Variants in STK3 observed in about 807,000 individuals in gnomAD.
STK3 encodes serine/threonine-protein kinase 3.
A neutral mutation model predicts 58.0 loss-of-function variants in STK3; 41 were observed. That is an observed-to-expected ratio of 0.71 (90% CI 0.55 to 0.92). STK3 has a LOEUF of 0.92. Ranked by LOEUF, STK3 falls within the 40% of genes least tolerant of loss-of-function variation. STK3 has a pLI of 0.00. For synonymous variants in STK3, 170 were observed against 191.0 expected, an observed-to-expected ratio of 0.89 and a Z score of 0.91; for missense variants, 479 against 602.7, an observed-to-expected ratio of 0.79 and a Z score of 2.15.
intron 10 of STK3, among the ~76,000 whole-genome samples, chr8:98,499,621 CAT>C (rs1227473759): frequency 2.0e-5 from 3 of 152,120 alleles, no homozygotes. Flanking sequence ...TTGGAGAACA[CAT>C]ATATCATCAT....
chr8:98,816,613 AACCTCC>A (rs1834564471), intron 1 of STK3, among the ~76,000 whole-genome samples: 1 of 151,992 alleles, frequency 6.6e-6, no homozygotes, highest in South Asian at 2.1e-4. Context: ...AGCTCACTGC[AACCTCC>A]ACCTCCTGGG....
At chr8:98,415,874 A>G (rs1818109101) in intron 3 of STK3, among the ~76,000 whole-genome samples, 1 of 152,210 alleles carries the variant, frequency 6.6e-6, no homozygotes, top group Admixed American at 6.5e-5. Flanking sequence ...CATCAGGGTA[A>G]GAGAGACTCT....
chr8:98,429,159 T>C (rs1818292898), intron 3 of STK3: 1 of 1,613,638 alleles, frequency 6.2e-7, no homozygotes, highest in African/African-American at 1.3e-5. Flanking sequence ...TGCCTCTGCC[T>C]GCATCTTGGC....
chr8:98,803,594 AAAAAAAAAAAAAAAG>A (rs1421416133), intron 1 of STK3, among the ~76,000 whole-genome samples: 4 of 118,120 alleles, frequency 3.4e-5, no homozygotes, highest in Admixed American at 1.6e-4. Context: ...ACTCTGTTTC[AAAAAAAAAAAAAAAG>A]AAAAAAAAAG....
At chr8:98,838,216 C>T (rs1384658252) in intron 3 of STK3, among the ~76,000 whole-genome samples, 2 of 152,064 alleles carry the variant, frequency 1.3e-5, no homozygotes, top group African/African-American at 4.8e-5. Context: ...GCCCTCCAAC[C>T]TAGGTGACAA....
rs1819446527 is a variant in STK3, at chr8:98,455,822, A to C, written c.*20T>G. ...GTTTCTTGGTCTCCAGAATAGTTAA[A>C]AACAGAGAGGAAATTAGACTCAAAA... is the stretch of plus-strand genomic sequence containing the variant. On this transcript the variant is annotated 3_prime_UTR_variant, in exon 11 of 11. Transcript: ENST00000419617. 1 of 1,612,736 alleles carries C rather than the reference A, an allele frequency of 6.2e-7. No homozygotes were observed. The highest frequency in any genetic ancestry group is 2.2e-5 in the East Asian group (1 of 44,880).
intron 3 of STK3, among the ~76,000 whole-genome samples, chr8:98,871,820 T>G (rs28800317): frequency 2.6e-5 from 4 of 152,310 alleles, no homozygotes; most frequent in African/African-American, 9.6e-5. Flanking sequence ...TTTTCCTACT[T>G]GAATACCCTT....
Position 98,729,982 on chromosome 8 carries a change from TACCTC to T in STK3, c.351+19289_351+19293del, listed in dbSNP as rs376319697. On this transcript the variant is annotated intron_variant, in intron 4 of 10. Coordinates refer to ENST00000419617, the MANE Select transcript of STK3 (RefSeq NM_006281.4). Reference sequence around the variant, plus strand: ...TGGAAAATGGGTCATTAATAGTTCTTACCTCATAGAGTTCTCCAATCCTCATGAGG... The same window carrying T: ...TGGAAAATGGGTCATTAATAGTTCTTATAGAGTTCTCCAATCCTCATGAGG... Among the ~76,000 whole-genome samples the T allele has an allele frequency of 1.0e-3, 158 of 152,336 alleles. 1 individual carries two copies. Among genetic ancestry groups the T allele is most frequent in the African/African-American group, 3.7e-3 (153 of 41,590 alleles).
intron 10 of STK3, among the ~76,000 whole-genome samples, chr8:98,488,349 G>T (rs966641860): frequency 2.0e-5 from 3 of 152,188 alleles, no homozygotes; most frequent in African/African-American, 7.2e-5. Flanking sequence ...GTCCTTGAGG[G>T]TGGGATTCAG....
At chr8:98,867,142 C>T (rs1376415864) in intron 3 of STK3, among the ~76,000 whole-genome samples, 2 of 152,126 alleles carry the variant, frequency 1.3e-5, no homozygotes, top group Admixed American at 1.3e-4. Context: ...ACTGGCCTGG[C>T]GCAGTGGTTC....
At chr8:98,611,185 C>T (rs2130202783) in intron 6 of STK3, among the ~76,000 whole-genome samples, 1 of 152,166 alleles carries the variant, frequency 6.6e-6, no homozygotes, top group South Asian at 2.1e-4. Context: ...ATAAGTGAGG[C>T]TCTGGTCCCA....
chr8:98,477,720 G>GGGGGT, intron 10 of STK3, among the ~76,000 whole-genome samples: 1 of 61,944 alleles, frequency 1.6e-5, no homozygotes, highest in Non-Finnish European at 3.6e-5. Context: ...GGGGGGGTGG[G>GGGGGT]CGGGGGGGGG....
chr8:98,821,371 G>C (rs1432918612), intron 1 of STK3, among the ~76,000 whole-genome samples: 1 of 152,032 alleles, frequency 6.6e-6, no homozygotes, highest in Non-Finnish European at 1.5e-5. Context: ...TGTTTCCCAC[G>C]AGACTGGTCC....
At chr8:98,652,505 C>G (rs1292411498) in intron 6 of STK3, among the ~76,000 whole-genome samples, 4 of 149,966 alleles carry the variant, frequency 2.7e-5, no homozygotes, top group African/African-American at 7.4e-5. Flanking sequence ...TGTAAATGGA[C>G]TAAATGCTCC....
At chr8:98,876,878 G>T (rs1365601230) in intron 3 of STK3, among the ~76,000 whole-genome samples, 1 of 152,218 alleles carries the variant, frequency 6.6e-6, no homozygotes, top group African/African-American at 2.4e-5. Flanking sequence ...TTTAAATGTA[G>T]GCAATGTGCT....
intron 9 of STK3, among the ~76,000 whole-genome samples, chr8:98,542,971 G>A (rs757385105): frequency 6.6e-6 from 1 of 152,092 alleles, no homozygotes; most frequent in Non-Finnish European, 1.5e-5. Flanking sequence ...TATTGTATTA[G>A]GTATCAAAAA....
intron 1 of STK3, chr8:98,437,914 G>A (rs1028895665): frequency 3.9e-5 from 6 of 152,174 alleles, no homozygotes; most frequent in Admixed American, 1.3e-4. Flanking sequence ...CTGCTGAAGG[G>A]AAGCCAGGCA....
At chr8:98,562,620 G>A (rs189812633) in intron 8 of STK3, among the ~76,000 whole-genome samples, 18 of 150,158 alleles carry the variant, frequency 1.2e-4, no homozygotes, top group Admixed American at 2.0e-4. Flanking sequence ...AATACCATGC[G>A]TTTGTCAAAA....
intron 6 of STK3, among the ~76,000 whole-genome samples, chr8:98,693,942 C>T (rs1824622624): frequency 6.6e-6 from 1 of 152,096 alleles, no homozygotes; most frequent in Non-Finnish European, 1.5e-5. Flanking sequence ...ACTAAGTGTT[C>T]ACTCTTCACA....
Sources: allele counts gnomAD v4.1 joint callset (sites outside exome capture counted in the v4.1 genomes callset), GRCh38; gene constraint gnomAD v4.1.1; transcripts MANE v1.5; gene names NCBI Gene and HGNC (gene_info 2026-07-23, HGNC 2026-07-21).